Variants in TRPC4 observed in about 807,000 individuals in gnomAD.
The protein encoded by TRPC4 is transient receptor potential cation channel subfamily C member 4.
Under a neutral mutation model 99.4 loss-of-function variants are expected in TRPC4, and 49 were observed. The observed-to-expected ratio is 0.49, with a 90% CI of 0.39 to 0.63. The LOEUF (loss-of-function observed/expected upper bound fraction) is 0.63. TRPC4 is among the 20% of genes least tolerant of loss of function. TRPC4 has a pLI of 0.00. For synonymous variants in TRPC4, 454 were observed against 425.9 expected (o/e 1.07, Z -0.81); for missense variants, 898 against 1,152.9 (o/e 0.78, Z 3.20).
rs5802892 is a variant in TRPC4 at position 37,673,470 on chromosome 13, A to ATT, written c.1374+756_1374+757dup. Reference sequence around the variant, plus strand: ...TGTCACACCCAATTAGATATTCTTTATTTTTTTTTTTTTACCAATTAACTA... The same window carrying ATT: ...TGTCACACCCAATTAGATATTCTTTATTTTTTTTTTTTTTTACCAATTAACTA... On this transcript the variant is annotated intron_variant, in intron 5 of 10. Transcript: ENST00000379705. Among the ~76,000 whole-genome samples the ATT allele has an allele frequency of 4.1e-4, 61 of 149,284 alleles. 1 individual carries two copies. The highest frequency in any genetic ancestry group is 1.9e-3 in the Admixed American group (28 of 14,956).
At chr13:37,652,790 CCTT>C (rs910271222) in intron 7 of TRPC4, among the ~76,000 whole-genome samples, 4 of 1,726 alleles carry the variant, frequency 2.3e-3, no homozygotes, top group African/African-American at 5.0e-3. Flanking sequence ...GTGGATAGCT[CCTT>C]CTGATTCTCT....
chr13:37,723,702 C>T (rs183155144), intron 3 of TRPC4, among the ~76,000 whole-genome samples: 6 of 152,168 alleles, frequency 3.9e-5, no homozygotes, highest in East Asian at 1.9e-4. Flanking sequence ...GCACACACTA[C>T]GATGCCCAGC....
intron 8 of TRPC4, among the ~76,000 whole-genome samples, chr13:37,648,787 A>C (rs753969105): frequency 6.6e-6 from 1 of 152,136 alleles, no homozygotes; most frequent in Non-Finnish European, 1.5e-5. Context: ...ACATAATCCT[A>C]CCCATGAGTC....
intron 2 of TRPC4, among the ~76,000 whole-genome samples, chr13:37,750,575 T>C (rs576006898): frequency 2.6e-5 from 4 of 152,178 alleles, no homozygotes; most frequent in Non-Finnish European, 5.9e-5. Flanking sequence ...AGTTTCGGAA[T>C]ATTGAAACAT....
intron 1 of TRPC4, among the ~76,000 whole-genome samples, chr13:37,836,827 G>A (rs774417437): frequency 1.8e-4 from 27 of 152,172 alleles, no homozygotes; most frequent in Non-Finnish European, 2.4e-4. Flanking sequence ...AAGACAATGC[G>A]GAAAATGTCT....
At chr13:37,642,229 A>G (rs1411829653) in intron 8 of TRPC4, among the ~76,000 whole-genome samples, 1 of 152,172 alleles carries the variant, frequency 6.6e-6, no homozygotes, top group East Asian at 1.9e-4. Context: ...GGAGCCCAAA[A>G]GTTTTATGAA....
intron 5 of TRPC4, among the ~76,000 whole-genome samples, chr13:37,670,276 C>T (rs934979384): frequency 5.9e-5 from 9 of 152,172 alleles, no homozygotes; most frequent in African/African-American, 2.2e-4. Flanking sequence ...AGGCTGGCCC[C>T]TATGACAGAT....
intron 1 of TRPC4, among the ~76,000 whole-genome samples, chr13:37,828,681 A>T: frequency 6.6e-6 from 1 of 152,232 alleles, no homozygotes; most frequent in East Asian, 1.9e-4. Context: ...TGTTCTTTGC[A>T]GCAACATGGT....
At chr13:37,764,813 C>CTTTTT (rs71096806) in intron 2 of TRPC4, among the ~76,000 whole-genome samples, 1 of 129,380 alleles carries the variant, frequency 7.7e-6, no homozygotes, top group African/African-American at 2.9e-5. Flanking sequence ...TTATCAAATG[C>CTTTTT]TTTTTTTTTT....
chr13:37,796,688 A>T (rs1272682945), intron 1 of TRPC4, among the ~76,000 whole-genome samples: 2 of 151,888 alleles, frequency 1.3e-5, no homozygotes, highest in African/African-American at 4.8e-5. Context: ...TGCAGTGTTG[A>T]TCTGTAATAC....
Position 37,746,187 on chromosome 13 carries a change from G to A in TRPC4, c.647C>T (p.Pro216Leu), listed in dbSNP as rs1278026885. ...ACTTAACTGAAAGGCTGTGAGAAAAGGATCTTCGCTTGACAGTGCAATGAG... is the reference window on the plus strand; with the variant it reads ...ACTTAACTGAAAGGCTGTGAGAAAAAGATCTTCGCTTGACAGTGCAATGAG... ...PSLIALSSEDPFLTAFQLSWE... is the reference protein window; with the variant it reads ...PSLIALSSEDLFLTAFQLSWE... The change falls in exon 3 of 11, where the codon CCT (proline) becomes CTT (leucine). Residue 216 changes from proline (P) to leucine (L), a missense_variant. This residue lies in a region of TRPC4 where 278 missense variants were observed against 346.6 expected (regional missense o/e 0.80). Transcript: ENST00000379705. The A allele has an allele frequency of 6.2e-7, 1 of 1,613,848 alleles. No homozygotes were observed. The highest frequency in any genetic ancestry group is 8.5e-7 in the Non-Finnish European group (1 of 1,179,874).
chr13:37,734,196 A>G (rs1482922069), intron 3 of TRPC4, among the ~76,000 whole-genome samples: 4 of 152,248 alleles, frequency 2.6e-5, no homozygotes, highest in African/African-American at 9.6e-5. Flanking sequence ...TTCCACTGAA[A>G]CTCAATTAAG....
intron 1 of TRPC4, among the ~76,000 whole-genome samples, chr13:37,813,502 G>GA (rs1037926690): frequency 6.6e-6 from 1 of 150,556 alleles, no homozygotes; most frequent in Non-Finnish European, 1.5e-5. Context: ...AGACCAAGGG[G>GA]AAAAAAAAGA....
intron 4 of TRPC4, among the ~76,000 whole-genome samples, chr13:37,679,045 C>T (rs1245701828): frequency 6.6e-6 from 1 of 152,006 alleles, no homozygotes; most frequent in African/African-American, 2.4e-5. Context: ...TAAAAACTTT[C>T]AGTAAAGTGT....
intron 1 of TRPC4, among the ~76,000 whole-genome samples, chr13:37,868,154 T>G (rs1959893687): frequency 6.6e-6 from 1 of 151,972 alleles, no homozygotes; most frequent in Admixed American, 6.5e-5. Context: ...ATCTTGACCT[T>G]TTGGAAATAA....
At position 37,808,904 on chromosome 13, in the gene TRPC4, T is replaced by G. The variant is rs117702795; in HGVS notation, c.-27-25544A>C. ...ATAGAGAAACCGCCTGAAAGCCCCC[T>G]GAAACCGCCATCTAAGTGGCATGAA... On this transcript the variant is annotated intron_variant, in intron 1 of 10. Transcript: ENST00000379705. 1.2e-3 allele frequency among the ~76,000 whole-genome samples: 186 copies of G among 151,458 alleles called. 3 individuals carry two copies. Among genetic ancestry groups the G allele is most frequent in the Non-Finnish European group, 1.0e-3 (71 of 67,996 alleles).
At position 37,746,001 on chromosome 13, in the gene TRPC4, A is replaced by G; in HGVS notation, c.833T>C (p.Ile278Thr). The G allele has an allele frequency of 1.2e-6, 2 of 1,613,838 alleles. No individual in the cohort carries two copies. The highest frequency in any genetic ancestry group is 8.5e-7 in the Non-Finnish European group (1 of 1,179,826). ...AAGATCATTTCCACTTTGTTCTTCT[A>G]TGAGACTATTGTCATCTCGGTAATT... is the stretch of plus-strand genomic sequence containing the variant. Reference protein sequence around the residue: ...ILNYRDDNSLIEEQSGNDLAR... With the variant: ...ILNYRDDNSLTEEQSGNDLAR... The change falls in exon 3 of 11, where the codon ATA (isoleucine) becomes ACA (threonine). Residue 278 changes from isoleucine to threonine, a missense_variant. By Grantham distance (89) the Ile-to-Thr change is moderately conservative. This residue lies in a region of TRPC4 where 278 missense variants were observed against 346.6 expected (regional missense o/e 0.80). Transcript: ENST00000379705.
At chr13:37,826,656 T>A (rs1958224463) in intron 1 of TRPC4, among the ~76,000 whole-genome samples, 1 of 152,160 alleles carries the variant, frequency 6.6e-6, no homozygotes, top group South Asian at 2.1e-4. Flanking sequence ...GTTAGTCTGA[T>A]GGGCTTCCCT....
chr13:37,714,620 C>T (rs986876195), intron 3 of TRPC4, among the ~76,000 whole-genome samples: 20 of 152,288 alleles, frequency 1.3e-4, no homozygotes, highest in Admixed American at 9.2e-4. Flanking sequence ...CTGCCTACTA[C>T]TCTTTAGGGT....
Sources: allele counts gnomAD v4.1 joint callset (sites outside exome capture counted in the v4.1 genomes callset), GRCh38; gene constraint gnomAD v4.1.1; regional missense constraint gnomAD v4.1.1; transcripts MANE v1.5; gene names NCBI Gene and HGNC (gene_info 2026-07-23, HGNC 2026-07-21).